CDC123: variants seen among roughly 807,000 people sequenced by gnomAD.
CDC123 encodes the protein cell division cycle 123.
In CDC123, 37 loss-of-function variants were observed where a neutral mutation model predicts 54.4. The observed-to-expected ratio is 0.68, with a 90% CI of 0.52 to 0.89. CDC123 has a LOEUF of 0.89. Ranked by LOEUF, CDC123 falls within the 40% of genes least tolerant of loss-of-function variation. The pLI, the probability that CDC123 is intolerant of heterozygous loss-of-function variation, is 0.00. For synonymous variants in CDC123, 144 were observed against 136.8 expected (o/e 1.05, Z -0.37); for missense variants, 361 against 412.1 (o/e 0.88, Z 1.07).
At chr10:12,206,170 T>C (rs553009638) in intron 2 of CDC123, among the ~76,000 whole-genome samples, 1 of 152,370 alleles carries the variant, frequency 6.6e-6, no homozygotes, top group South Asian at 2.1e-4. Context: ...CAGTAGGCAC[T>C]GCAATAATTT....
chr10:12,235,148 T>G, intron 8 of CDC123, 25 bp downstream of exon 8: 1 of 1,554,904 alleles, frequency 6.4e-7, no homozygotes, highest in East Asian at 2.3e-5. Flanking sequence ...GTTTGTTTGT[T>G]TTATCCTTCA....
intron 12 of CDC123, chr10:12,250,081 C>T (rs1836220589): frequency 2.1e-6 from 1 of 476,578 alleles, no homozygotes; most frequent in Non-Finnish European, 3.7e-6. Context: ...GTGTGGATTT[C>T]TGTGTAGGAG....
intron 2 of CDC123, among the ~76,000 whole-genome samples, chr10:12,202,562 T>C (rs533590248): frequency 1.6e-4 from 25 of 152,296 alleles, no homozygotes; most frequent in African/African-American, 6.0e-4. Flanking sequence ...TCACAAAGAC[T>C]GCCCCCCACT....
Position 12,246,281 on chromosome 10 carries a change from C to T in CDC123, c.846+4C>T. Reference sequence around the variant, plus strand: ...TGAAGTTGACGCTCAAGAGCAGGTACAACATTTTTAAGACAGATACAATGT... The same window carrying T: ...TGAAGTTGACGCTCAAGAGCAGGTATAACATTTTTAAGACAGATACAATGT... On this transcript the variant is annotated splice_donor_region_variant and intron_variant, in intron 11 of 12. Coordinates refer to ENST00000281141, the MANE Select transcript of CDC123 (RefSeq NM_006023.3). 1 of 1,613,970 alleles carries T rather than the reference C, an allele frequency of 6.2e-7. No homozygotes were observed. The highest frequency in any genetic ancestry group is 1.1e-5 in the South Asian group (1 of 91,052).
rs181201698 is a variant in CDC123, at chr10:12,197,324, G to A, written c.74+1005G>A. Reference sequence around the variant, plus strand: ...TTCGCTTGAAATTGTTTAAAATTTAGTAGATTTTCAAACGTAATAAGATTT... The same window carrying A: ...TTCGCTTGAAATTGTTTAAAATTTAATAGATTTTCAAACGTAATAAGATTT... On this transcript the variant is annotated intron_variant, in intron 1 of 12. Transcript: ENST00000281141. Among the ~76,000 whole-genome samples the A allele has an allele frequency of 1.4e-4, 22 of 152,198 alleles. No individual in the cohort carries two copies. The East Asian group carries it at 3.9e-3, about 27-fold the overall frequency.
At chr10:12,240,785 G>A (rs370959231) in intron 10 of CDC123, among the ~76,000 whole-genome samples, 2 of 152,128 alleles carry the variant, frequency 1.3e-5, no homozygotes, top group South Asian at 2.1e-4. Flanking sequence ...TGGGAGGATC[G>A]CTTGAGACTG....
chr10:12,241,679 T>C (rs1212391957), intron 10 of CDC123, among the ~76,000 whole-genome samples: 3 of 152,224 alleles, frequency 2.0e-5, no homozygotes, highest in Admixed American at 6.5e-5. Flanking sequence ...TCATCTTCAG[T>C]GAGCTTGTTC....
At chr10:12,248,288 A>C (rs1284198505) in intron 11 of CDC123, among the ~76,000 whole-genome samples, 3 of 152,086 alleles carry the variant, frequency 2.0e-5, no homozygotes, top group African/African-American at 4.8e-5. Context: ...CTGGTGGATC[A>C]CCTGAGGTCA....
chr10:12,219,332 G>A (rs1258862542), intron 6 of CDC123, among the ~76,000 whole-genome samples: 2 of 151,906 alleles, frequency 1.3e-5, no homozygotes, highest in Non-Finnish European at 2.9e-5. Context: ...ATAGAAAAAA[G>A]TGTGTGTGTG....
rs780942017 is a variant in CDC123, at chr10:12,210,070, A to G, written c.204+46A>G. 5 of 1,587,124 alleles carry G rather than the reference A, an allele frequency of 3.2e-6. No individual in the cohort carries two copies. In the Admixed American group the frequency reaches 6.7e-5, roughly 21 times the overall value. ...TCTGTTCTGTAGACTGTTGTAATTT[A>G]AATGATCTCTGAGATGGTTCTGACT... is the stretch of plus-strand genomic sequence containing the variant. On this transcript the variant is annotated intron_variant, in intron 3 of 12. Coordinates refer to ENST00000281141, the MANE Select transcript of CDC123 (RefSeq NM_006023.3).
Position 12,249,634 on chromosome 10 carries a change from C to T in CDC123, c.900C>T (p.Pro300=). The change falls in exon 12 of 13, where the codon CCC becomes CCT. Residue 300 remains proline, a synonymous_variant. Transcript: ENST00000281141. ...GTGAAGTGACAGTCCAGCCCAGCCCCTATTTGAGTTACCGGCTACCCAAGG... is the reference window on the plus strand; with the variant it reads ...GTGAAGTGACAGTCCAGCCCAGCCCTTATTTGAGTTACCGGCTACCCAAGG... ...TNSEVTVQPS[P]YLSYRLPKDF... The T allele has an allele frequency of 1.2e-6, 2 of 1,614,178 alleles. No homozygotes were observed. The highest frequency in any genetic ancestry group is 1.7e-6 in the Non-Finnish European group (2 of 1,180,000).
chr10:12,228,213 G>T (rs186749657), intron 6 of CDC123, among the ~76,000 whole-genome samples: 1 of 152,222 alleles, frequency 6.6e-6, no homozygotes, highest in Admixed American at 6.5e-5. Context: ...GGGATTACAG[G>T]TGTGAGCCCT....
At chr10:12,231,540 G>T (rs1835902023) in intron 7 of CDC123, among the ~76,000 whole-genome samples, 1 of 149,778 alleles carries the variant, frequency 6.7e-6, no homozygotes, top group South Asian at 2.1e-4. Context: ...CTGAAGAATC[G>T]CTTGAACCCG....
intron 5 of CDC123, among the ~76,000 whole-genome samples, chr10:12,216,579 CT>C (rs1835668247): frequency 6.6e-6 from 1 of 152,038 alleles, no homozygotes; most frequent in South Asian, 2.1e-4. Flanking sequence ...GTCTTGACAC[CT>C]ATTTTACTTC....
chr10:12,201,217 A>T (rs925022447), intron 2 of CDC123, among the ~76,000 whole-genome samples: 2 of 152,258 alleles, frequency 1.3e-5, no homozygotes, highest in Non-Finnish European at 2.9e-5. Context: ...GTGATAATAC[A>T]TAAAATGTTC....
intron 6 of CDC123, among the ~76,000 whole-genome samples, chr10:12,226,711 A>T (rs1468849839): frequency 1.3e-5 from 2 of 148,592 alleles, no homozygotes; most frequent in Non-Finnish European, 3.0e-5. Flanking sequence ...GGCTGGGCAG[A>T]GACGCTCCCC....
intron 11 of CDC123, among the ~76,000 whole-genome samples, chr10:12,248,936 C>T (rs929613434): frequency 2.6e-4 from 40 of 151,546 alleles, no homozygotes; most frequent in African/African-American, 9.7e-4. Context: ...ATAGTGAAAT[C>T]CCTATCTCTA....
intron 2 of CDC123, among the ~76,000 whole-genome samples, chr10:12,208,549 G>A (rs6602568): frequency 0.96 from 145,734 of 152,258 alleles, 70,012 homozygotes; most frequent in Non-Finnish European, 1. Flanking sequence ...CAGGGAGACA[G>A]AGGCTTGCTG....
rs188523595 is a variant in CDC123 at position 12,228,031 on chromosome 10, G to T, written c.441-2917G>T. 5.0e-3 allele frequency among the ~76,000 whole-genome samples: 766 copies of T among 152,158 alleles called. 8 individuals carry two copies. The highest frequency in any genetic ancestry group is 5.4e-3 in the Non-Finnish European group (364 of 67,998). ...GCTTACTGCAGCCTCAAACTCCGGA[G>T]CTCAAGTGATCTTCCCGCCTCAGCC... On this transcript the variant is annotated intron_variant, in intron 6 of 12. Transcript: ENST00000281141.
Sources: allele counts gnomAD v4.1 joint callset (sites outside exome capture counted in the v4.1 genomes callset), GRCh38; gene constraint gnomAD v4.1.1; transcripts MANE v1.5; gene names NCBI Gene and HGNC (gene_info 2026-07-23, HGNC 2026-07-21).